CNTNAP4: variants seen among roughly 807,000 people sequenced by gnomAD.
CNTNAP4 encodes the protein contactin-associated protein-like 4.
In CNTNAP4, 98 loss-of-function variants were observed where a neutral mutation model predicts 148.4. The ratio of observed to expected loss-of-function variants is 0.66; its 90% CI spans 0.56 to 0.78. The LOEUF (loss-of-function observed/expected upper bound fraction) is 0.78. CNTNAP4 is among the 30% of genes least tolerant of loss of function. CNTNAP4 has a pLI of 0.00. For synonymous variants in CNTNAP4, 730 were observed against 565.1 expected, an observed-to-expected ratio of 1.29 and a Z score of -4.14; for missense variants, 1,935 against 1,565.6, an observed-to-expected ratio of 1.24 and a Z score of -3.98.
At chr16:76,426,143 G>A (rs932474964) in intron 3 of CNTNAP4, among the ~76,000 whole-genome samples, 18 of 152,036 alleles carry the variant, frequency 1.2e-4, no homozygotes, top group Admixed American at 9.2e-4. Flanking sequence ...TGGAGTGGGG[G>A]CAGAAGGTAG....
At chr16:76,308,196 A>C (rs1960703187) in intron 1 of CNTNAP4, among the ~76,000 whole-genome samples, 1 of 152,168 alleles carries the variant, frequency 6.6e-6, no homozygotes, top group South Asian at 2.1e-4. Context: ...AATATCTAAA[A>C]CCAGGATTCT....
chr16:76,499,041 A>T (rs2082521593), intron 15 of CNTNAP4, among the ~76,000 whole-genome samples: 1 of 149,980 alleles, frequency 6.7e-6, no homozygotes, highest in Non-Finnish European at 1.5e-5. Context: ...TAAAAATTTC[A>T]AATTTTATGT....
intron 4 of CNTNAP4, among the ~76,000 whole-genome samples, chr16:76,442,298 C>G (rs2080074904): frequency 6.6e-6 from 1 of 152,088 alleles, no homozygotes; most frequent in Admixed American, 6.6e-5. Context: ...AAGGAAAAAG[C>G]TCCTGCCAAC....
chr16:76,438,786 C>T (rs4888508), intron 4 of CNTNAP4, among the ~76,000 whole-genome samples: 42,851 of 151,958 alleles, frequency 0.28, 9,272 homozygotes, highest in African/African-American at 0.6. Context: ...ATAGGGTTAC[C>T]TACTCAGCTT....
intron 3 of CNTNAP4, among the ~76,000 whole-genome samples, chr16:76,355,840 TTTTATTTATTTATTTA>T (rs138725617): frequency 7.4e-4 from 105 of 141,768 alleles, no homozygotes; most frequent in African/African-American, 1.3e-3. Flanking sequence ...TTGCATTGTC[TTTTATTTATTTATTTA>T]TTTATTTATT....
chr16:76,468,124 G>A (rs1388712886), intron 10 of CNTNAP4, among the ~76,000 whole-genome samples: 1 of 152,144 alleles, frequency 6.6e-6, no homozygotes, highest in Non-Finnish European at 1.5e-5. Context: ...ATCAGTACAG[G>A]ACATGACAAG....
At chr16:76,557,694 A>G (rs538516733) in intron 23 of CNTNAP4, 1 of 152,276 alleles carries the variant, frequency 6.6e-6, no homozygotes, top group South Asian at 2.1e-4. Context: ...AAGTACCAGG[A>G]ATTTTACCTA....
At position 76,467,390 on chromosome 16, in the gene CNTNAP4, C is replaced by A; in HGVS notation, c.1522C>A (p.Pro508Thr). Reference sequence around the variant, plus strand: ...AAGCTTTGGATCCAAATGTAAAAGTCCACTTGGTGGATTTCAGGGATGTAT... The same window carrying A: ...AAGCTTTGGATCCAAATGTAAAAGTACACTTGGTGGATTTCAGGGATGTAT... The part of the protein sequence containing the change: ...DKSFGSKCKS[P>T]LGGFQGCMRL... Residue 508 changes from proline (P) to threonine (T), a missense_variant, in exon 10 of 24, where the codon CCA (proline) becomes ACA (threonine). Physicochemically the swap from Pro to Thr is conservative, Grantham distance 38. Coordinates refer to ENST00000611870, the MANE Select transcript of CNTNAP4 (RefSeq NM_033401.5). The A allele has an allele frequency of 6.2e-7, 1 of 1,613,782 alleles. No individual in the cohort carries two copies. Among genetic ancestry groups the A allele is most frequent in the Non-Finnish European group, 8.5e-7 (1 of 1,179,824 alleles).
At chr16:76,523,008 A>G (rs1288681918) in intron 17 of CNTNAP4, among the ~76,000 whole-genome samples, 2 of 151,832 alleles carry the variant, frequency 1.3e-5, no homozygotes, top group Non-Finnish European at 2.9e-5. Flanking sequence ...CAGGTGATCC[A>G]CCTGCCTCAG....
intron 3 of CNTNAP4, among the ~76,000 whole-genome samples, chr16:76,423,317 A>G (rs1483330217): frequency 1.3e-5 from 2 of 152,170 alleles, no homozygotes; most frequent in Admixed American, 1.3e-4. Flanking sequence ...GAGTGAAACA[A>G]AGATCCAAAG....
chr16:76,450,698 C>T (rs1008651629), intron 7 of CNTNAP4, among the ~76,000 whole-genome samples: 23 of 152,278 alleles, frequency 1.5e-4, no homozygotes, highest in Middle Eastern at 3.4e-3. Context: ...AATATTGCAT[C>T]GGCCAATCTG....
At chr16:76,534,686 C>G (rs185243995) in intron 17 of CNTNAP4, among the ~76,000 whole-genome samples, 15 of 152,246 alleles carry the variant, frequency 9.9e-5, no homozygotes, top group Admixed American at 9.8e-4. Context: ...AGATTCACAA[C>G]CCTATTTTTG....
Position 76,535,670 on chromosome 16 carries a change from C to T in CNTNAP4, c.2881C>T (p.His961Tyr). 4.3e-6 allele frequency: 7 copies of T among 1,614,018 alleles called. No individual in the cohort carries two copies. Among genetic ancestry groups the T allele is most frequent in the Non-Finnish European group, 5.1e-6 (6 of 1,179,964 alleles). ...TPEVQPGCRG[H>Y]CSSYGKLCRN... ...AGAAGTGCAGCCAGGTTGTAGGGGA[C>T]ATTGCAGCAGCTATGGGAAGTTATG... The change falls in exon 18 of 24, where the codon CAT becomes TAT. Residue 961 changes from histidine (H) to tyrosine (Y), a missense_variant. By Grantham distance (83) the His-to-Tyr change is moderately conservative. Transcript: ENST00000611870.
chr16:76,293,430 AATG>A (rs1033594974), intron 1 of CNTNAP4, among the ~76,000 whole-genome samples: 3 of 152,120 alleles, frequency 2.0e-5, no homozygotes, highest in Non-Finnish European at 4.4e-5. Flanking sequence ...TCGTAATTTT[AATG>A]ATATTTTCTT....
chr16:76,337,701 C>G (rs376212711), intron 2 of CNTNAP4, among the ~76,000 whole-genome samples: 2 of 152,280 alleles, frequency 1.3e-5, no homozygotes, highest in East Asian at 3.9e-4. Context: ...GAGGGTACTG[C>G]AGGAGACCAG....
At chr16:76,522,785 C>T (rs1354048264) in intron 17 of CNTNAP4, among the ~76,000 whole-genome samples, 1 of 112,086 alleles carries the variant, frequency 8.9e-6, no homozygotes, top group African/African-American at 2.9e-5. Flanking sequence ...TCTTTCTTGA[C>T]AGAGTCTCGC....
At chr16:76,373,374 CTT>C (rs1363726476) in intron 3 of CNTNAP4, among the ~76,000 whole-genome samples, 1 of 152,078 alleles carries the variant, frequency 6.6e-6, no homozygotes, top group East Asian at 1.9e-4. Context: ...AAAACCAGGA[CTT>C]GAACTACATA....
intron 3 of CNTNAP4, among the ~76,000 whole-genome samples, chr16:76,411,799 T>TA (rs1432960295): frequency 6.6e-6 from 1 of 151,438 alleles, no homozygotes; most frequent in Non-Finnish European, 1.5e-5. Context: ...CTTATTTTCA[T>TA]GTAACTTTTT....
At chr16:76,441,238 A>G (rs917967511) in intron 4 of CNTNAP4, among the ~76,000 whole-genome samples, 4 of 152,120 alleles carry the variant, frequency 2.6e-5, no homozygotes, top group Non-Finnish European at 5.9e-5. Flanking sequence ...CTTTGTTTTT[A>G]TGCATCACTG....
Sources: gnomAD v4.1 joint callset for allele counts (sites outside exome capture counted in the v4.1 genomes callset) on GRCh38, gnomAD v4.1.1 for gene constraint, MANE v1.5 for transcripts, NCBI Gene and HGNC (gene_info 2026-07-23, HGNC 2026-07-21) for gene names.